The following TMPRSS11A variants were observed in gnomAD, a reference collection of about 807,000 sequenced individuals.
TMPRSS11A encodes transmembrane serine protease 11A.
A neutral mutation model predicts 58.9 loss-of-function variants in TMPRSS11A; 53 were observed. That is an observed-to-expected ratio of 0.90 (90% CI 0.72 to 1.13). The LOEUF is 1.13. Ranked by LOEUF, TMPRSS11A falls within the 50% of genes most tolerant of loss-of-function variation. The probability of loss-of-function intolerance (pLI) is 0.00; values close to 1 mark genes in which losing one functional copy is unlikely to be tolerated. For missense variants in TMPRSS11A, 493 were observed against 499.3 expected (o/e 0.99, Z 0.12); for synonymous variants, 167 against 169.8 (o/e 0.98, Z 0.13).
At chr4:67,963,346 A>G (rs1217741685) in intron 1 of TMPRSS11A, 37 bp downstream of exon 1, 14 of 1,612,606 alleles carry the variant, frequency 8.7e-6, no homozygotes, top group Admixed American at 3.3e-5. Flanking sequence ...CAGACAGTAC[A>G]TCAAACAAGC....
intron 8 of TMPRSS11A, among the ~76,000 whole-genome samples, chr4:67,918,000 CATCTGGAAAAAATCTAGAG>C (rs1560563106): frequency 6.6e-6 from 1 of 152,136 alleles, no homozygotes; most frequent in Non-Finnish European, 1.5e-5. Flanking sequence ...CCACATGGGA[CATCTGGAAAAAATCTAGAG>C]ACCCTAAAAC....
intron 1 of TMPRSS11A, among the ~76,000 whole-genome samples, chr4:67,953,179 C>A (rs2109768948): frequency 6.6e-6 from 1 of 152,258 alleles, no homozygotes; most frequent in Non-Finnish European, 1.5e-5. Context: ...TTGCCTACTG[C>A]TCACCTCCTG....
intron 3 of TMPRSS11A, among the ~76,000 whole-genome samples, chr4:67,934,001 C>G (rs1011530074): frequency 6.6e-6 from 1 of 152,154 alleles, no homozygotes; most frequent in Non-Finnish European, 1.5e-5. Context: ...CTAAACCAAG[C>G]ACCAATTTTA....
At chr4:67,924,294 A>G in intron 5 of TMPRSS11A, 128 bp from the exon 6 acceptor site, 1 of 796,556 alleles carries the variant, frequency 1.3e-6, no homozygotes, top group East Asian at 2.6e-5. Context: ...ATTAATTAGG[A>G]GAATGGCTAT....
At chr4:67,943,560 T>C (rs977615130) in intron 3 of TMPRSS11A, among the ~76,000 whole-genome samples, 1 of 152,158 alleles carries the variant, frequency 6.6e-6, no homozygotes, top group African/African-American at 2.4e-5. Context: ...TAAGAACTGA[T>C]TGCAAATGCT....
At chr4:67,954,652 G>C (rs1324805379) in intron 1 of TMPRSS11A, among the ~76,000 whole-genome samples, 1 of 152,198 alleles carries the variant, frequency 6.6e-6, no homozygotes, top group African/African-American at 2.4e-5. Context: ...ATTAATGATA[G>C]AGCATAGTCA....
At chr4:67,946,970 TTGTC>T (rs1388082464) in intron 1 of TMPRSS11A, among the ~76,000 whole-genome samples, 2 of 152,032 alleles carry the variant, frequency 1.3e-5, no homozygotes, top group African/African-American at 4.8e-5. Context: ...TTTTTATCTT[TTGTC>T]TTTTATTTTT....
chr4:67,949,842 G>A (rs570359329), intron 1 of TMPRSS11A, among the ~76,000 whole-genome samples: 2 of 152,270 alleles, frequency 1.3e-5, no homozygotes, highest in African/African-American at 4.8e-5. Flanking sequence ...CTGGGCGACT[G>A]GGAGACTCCA....
At chr4:67,913,324 G>A (rs1256243659) in intron 9 of TMPRSS11A, among the ~76,000 whole-genome samples, 3 of 152,138 alleles carry the variant, frequency 2.0e-5, no homozygotes, top group Non-Finnish European at 4.4e-5. Context: ...AGGTGTTGGT[G>A]GTGCTTGCAC....
chr4:67,942,288 C>T (rs573851710), intron 3 of TMPRSS11A, among the ~76,000 whole-genome samples: 5 of 152,084 alleles, frequency 3.3e-5, no homozygotes, highest in African/African-American at 7.2e-5. Context: ...ACTCCCAAAC[C>T]GATGATAGAG....
intron 5 of TMPRSS11A, among the ~76,000 whole-genome samples, chr4:67,926,935 A>G (rs1482463876): frequency 6.6e-6 from 1 of 151,942 alleles, no homozygotes; most frequent in Non-Finnish European, 1.5e-5. Flanking sequence ...CTGAAAGCTG[A>G]ACACTCAACA....
Position 67,926,645 on chromosome 4 carries a change from A to G in TMPRSS11A, c.482-2479T>C, listed in dbSNP as rs541731985. Reference sequence around the variant, plus strand: ...ACCTGGCCCCACATTGCCATTCTTGACCATGGCCACTGCAGGGAGGGCGTG... The same window carrying G: ...ACCTGGCCCCACATTGCCATTCTTGGCCATGGCCACTGCAGGGAGGGCGTG... On this transcript the variant is annotated intron_variant, in intron 5 of 9. Coordinates refer to ENST00000508048, the MANE Select transcript of TMPRSS11A (RefSeq NM_001114387.2). Among the ~76,000 whole-genome samples the G allele has an allele frequency of 2.0e-5, 3 of 152,234 alleles. 1 individual carries two copies. In the South Asian group the frequency reaches 6.2e-4, roughly 32 times the overall value.
chr4:67,958,332 G>A (rs533626084), intron 1 of TMPRSS11A, among the ~76,000 whole-genome samples: 1 of 152,326 alleles, frequency 6.6e-6, no homozygotes, highest in East Asian at 1.9e-4. Context: ...CTGGGAGGGA[G>A]GCTATACCCT....
intron 3 of TMPRSS11A, among the ~76,000 whole-genome samples, chr4:67,939,418 C>G (rs1321138211): frequency 1.3e-5 from 2 of 152,110 alleles, no homozygotes; most frequent in African/African-American, 4.8e-5. Context: ...CTTTCTCCTG[C>G]TCGATTGCTC....
chr4:67,934,115 T>C (rs1366645217), intron 3 of TMPRSS11A, among the ~76,000 whole-genome samples: 1 of 152,124 alleles, frequency 6.6e-6, no homozygotes, highest in Admixed American at 6.6e-5. Flanking sequence ...AAAAGGATCC[T>C]TCTTTATAAA....
chr4:67,911,721 A>G (rs1253638313), intron 9 of TMPRSS11A, among the ~76,000 whole-genome samples: 1 of 152,170 alleles, frequency 6.6e-6, no homozygotes, highest in African/African-American at 2.4e-5. Context: ...TAGAGTAAAC[A>G]GCACTTAGTT....
intron 2 of TMPRSS11A, among the ~76,000 whole-genome samples, chr4:67,945,062 C>T (rs1294787042): frequency 1.3e-5 from 2 of 152,132 alleles, no homozygotes; most frequent in Non-Finnish European, 2.9e-5. Flanking sequence ...TACCATCATA[C>T]ACTCTAGTGG....
At chr4:67,934,476 A>T (rs1720703267) in intron 3 of TMPRSS11A, among the ~76,000 whole-genome samples, 1 of 152,190 alleles carries the variant, frequency 6.6e-6, no homozygotes, top group Non-Finnish European at 1.5e-5. Context: ...GTTGTGTGCC[A>T]GGTTGTTATA....
rs183794987 is a variant in TMPRSS11A, at chr4:67,937,895, A to T, written c.253-5835T>A. Among the ~76,000 whole-genome samples, 3 of 152,130 alleles carry T rather than the reference A, an allele frequency of 2.0e-5. No individual in the cohort carries two copies. In the East Asian group the frequency reaches 5.8e-4, roughly 29 times the overall value. ...GAGTGCAGCTGTCTTTCTGGGAAAA[A>T]AGTTTATACTCCTTTGGGTATACAC... On this transcript the variant is annotated intron_variant, in intron 3 of 9. Transcript: ENST00000508048.
Sources: gnomAD v4.1 joint callset for allele counts (sites outside exome capture counted in the v4.1 genomes callset) on GRCh38, gnomAD v4.1.1 for gene constraint, MANE v1.5 for transcripts, NCBI Gene and HGNC (gene_info 2026-07-23, HGNC 2026-07-21) for gene names.